Variants in WWOX observed in about 807,000 individuals in gnomAD.
WWOX encodes the protein WW domain-containing oxidoreductase.
WWOX carries 69 observed loss-of-function variants against 46.2 expected under a neutral mutation model. The observed-to-expected ratio is 1.49, with a 90% CI of 1.23 to 1.82. The LOEUF (loss-of-function observed/expected upper bound fraction) is 1.82. WWOX is among the 40% of genes most tolerant of loss of function. WWOX has a pLI of 0.00. For synonymous variants in WWOX, 359 were observed against 202.6 expected (o/e 1.77, Z -6.56); for missense variants, 919 against 542.6 (o/e 1.69, Z -6.89).
intron 5 of WWOX, among the ~76,000 whole-genome samples, chr16:78,371,397 G>T (rs938875591): frequency 9.2e-5 from 14 of 152,080 alleles, no homozygotes; most frequent in African/African-American, 3.1e-4. Flanking sequence ...TTTGTGATCT[G>T]GCTCATGGTT....
chr16:78,889,949 C>T lies in WWOX; in HGVS notation c.1057-321659C>T, dbSNP rs573229600. Among the ~76,000 whole-genome samples, 6 of 152,134 alleles carry T rather than the reference C, an allele frequency of 3.9e-5. No individual in the cohort carries two copies. The South Asian group carries it at 6.2e-4, about 16-fold the overall frequency. On this transcript the variant is annotated intron_variant, in intron 8 of 8. Coordinates refer to ENST00000566780, the MANE Select transcript of WWOX (RefSeq NM_016373.4). The stretch of plus-strand genomic sequence containing the variant: ...TGTTGGTATTAAATTAGATGTGTAC[C>T]ATCTTATGTCTCTTCTTTCAGAAAA...
intron 8 of WWOX, among the ~76,000 whole-genome samples, chr16:78,722,870 A>C (rs2048728008): frequency 6.6e-6 from 1 of 151,744 alleles, no homozygotes; most frequent in South Asian, 2.1e-4. Context: ...ATGAAAACCT[A>C]ATGTCTACAA....
At chr16:78,381,988 C>G (rs1009141216) in intron 5 of WWOX, among the ~76,000 whole-genome samples, 8 of 152,172 alleles carry the variant, frequency 5.3e-5, no homozygotes, top group Non-Finnish European at 1.2e-4. Flanking sequence ...GCCGCAGCCT[C>G]CTGTGTAGCA....
At position 79,021,646 on chromosome 16, in the gene WWOX, C is replaced by T. The variant is rs1018456458; in HGVS notation, c.1057-189962C>T. On this transcript the variant is annotated intron_variant, in intron 8 of 8. Transcript: ENST00000566780. ...AGGAAAATATCTGTGATTTCGATTG[C>T]GACAAACACACAGATGCTTCTCACA... Among the ~76,000 whole-genome samples the T allele has an allele frequency of 1.6e-4, 24 of 152,260 alleles. 1 individual carries two copies. Among genetic ancestry groups the T allele is most frequent in the African/African-American group, 4.6e-4 (19 of 41,544 alleles).
chr16:78,766,032 C>G (rs1479697474), intron 8 of WWOX, among the ~76,000 whole-genome samples: 2 of 152,210 alleles, frequency 1.3e-5, no homozygotes, highest in East Asian at 3.9e-4. Flanking sequence ...AAAAGGTTTA[C>G]AGAGCCCAGG....
intron 5 of WWOX, among the ~76,000 whole-genome samples, chr16:78,236,019 G>A (rs1032722282): frequency 1.3e-5 from 2 of 152,162 alleles, no homozygotes; most frequent in Non-Finnish European, 2.9e-5. Flanking sequence ...CAGGAAAGCA[G>A]CCACAGATAA....
intron 8 of WWOX, among the ~76,000 whole-genome samples, chr16:78,532,033 G>A (rs755322162): frequency 4.6e-5 from 7 of 151,292 alleles, no homozygotes; most frequent in African/African-American, 7.3e-5. Flanking sequence ...AGGATCTGTA[G>A]GTCAGAAGTG....
intron 7 of WWOX, among the ~76,000 whole-genome samples, chr16:78,427,705 G>T (rs1199625541): frequency 6.6e-6 from 1 of 152,098 alleles, no homozygotes; most frequent in Non-Finnish European, 1.5e-5. Context: ...TTGAGCCCAG[G>T]AGTTTGAGGT....
intron 8 of WWOX, among the ~76,000 whole-genome samples, chr16:79,177,108 G>C (rs961792164): frequency 6.6e-6 from 1 of 152,180 alleles, no homozygotes; most frequent in Non-Finnish European, 1.5e-5. Context: ...TTCACACTCA[G>C]TGCACAAGTC....
chr16:78,391,573 C>T (rs1282020171), intron 6 of WWOX, among the ~76,000 whole-genome samples: 1 of 152,212 alleles, frequency 6.6e-6, no homozygotes, highest in Non-Finnish European at 1.5e-5. Context: ...TCTGGCCAGG[C>T]ACGGTGGCTC....
chr16:78,354,951 G>A lies in WWOX; in HGVS notation c.517-31909G>A, dbSNP rs554455589. 8.1e-4 allele frequency among the ~76,000 whole-genome samples: 124 copies of A among 152,202 alleles called. 1 individual carries two copies. The highest frequency in any genetic ancestry group is 6.8e-3 in the Middle Eastern group (2 of 294). On this transcript the variant is annotated intron_variant, in intron 5 of 8. Coordinates refer to ENST00000566780, the MANE Select transcript of WWOX (RefSeq NM_016373.4). The stretch of plus-strand genomic sequence containing the variant: ...GAATTCAAGACTACTGGGCAACATG[G>A]TGAAGCTCTGTCTATCCTAAAAATG...
chr16:79,038,608 G>A (rs938141031), intron 8 of WWOX, among the ~76,000 whole-genome samples: 3 of 152,074 alleles, frequency 2.0e-5, no homozygotes, highest in Non-Finnish European at 2.9e-5. Context: ...GGAGTGCAAT[G>A]GTGCAATCTC....
chr16:78,263,227 C>G (rs1036267372), intron 5 of WWOX, among the ~76,000 whole-genome samples: 1 of 152,286 alleles, frequency 6.6e-6, no homozygotes, highest in Non-Finnish European at 1.5e-5. Context: ...GACTTCCTCT[C>G]AAAGAAATAA....
intron 8 of WWOX, among the ~76,000 whole-genome samples, chr16:79,196,781 A>G (rs939702020): frequency 2.9e-4 from 44 of 151,680 alleles, no homozygotes; most frequent in African/African-American, 1.0e-3. Flanking sequence ...TGTTGTAGAG[A>G]TGTTCTATTT....
intron 8 of WWOX, among the ~76,000 whole-genome samples, chr16:79,092,395 C>T (rs2048980330): frequency 6.6e-6 from 1 of 152,110 alleles, no homozygotes; most frequent in Non-Finnish European, 1.5e-5. Context: ...ATTAATAAAG[C>T]CAGAGGCGAT....
At chr16:79,087,394 G>A (rs570766276) in intron 8 of WWOX, among the ~76,000 whole-genome samples, 6 of 152,332 alleles carry the variant, frequency 3.9e-5, no homozygotes, top group South Asian at 2.1e-4. Context: ...GCTTATCTCC[G>A]TAGACACCAC....
chr16:78,781,712 A>G (rs2050330960), intron 8 of WWOX, among the ~76,000 whole-genome samples: 1 of 152,106 alleles, frequency 6.6e-6, no homozygotes, highest in Non-Finnish European at 1.5e-5. Context: ...GAGGTAGAGG[A>G]TGCAGTGAGC....
chr16:78,469,476 G>T (rs548063375), intron 8 of WWOX, among the ~76,000 whole-genome samples: 10 of 152,264 alleles, frequency 6.6e-5, no homozygotes, highest in Middle Eastern at 3.4e-3. Context: ...GACAGGCTCC[G>T]CAGTGAGGGT....
chr16:78,144,466 C>CATATAT (rs1567596354), intron 4 of WWOX, among the ~76,000 whole-genome samples: 3 of 14,368 alleles, frequency 2.1e-4, no homozygotes, highest in Admixed American at 1.2e-3. Context: ...TATATATACA[C>CATATAT]ACATATATAT....
Sources: allele counts gnomAD v4.1 joint callset (sites outside exome capture counted in the v4.1 genomes callset), GRCh38; gene constraint gnomAD v4.1.1; transcripts MANE v1.5; gene names NCBI Gene and HGNC (gene_info 2026-07-23, HGNC 2026-07-21).